The following CCSER1 variants were observed in gnomAD, a reference collection of about 807,000 sequenced individuals.
CCSER1 encodes coiled-coil serine rich protein 1.
A neutral mutation model predicts 82.0 loss-of-function variants in CCSER1; 41 were observed. The observed-to-expected ratio is 0.50, with a 90% CI of 0.39 to 0.65. The LOEUF is 0.65. CCSER1 is among the 30% of genes least tolerant of loss of function. The probability of loss-of-function intolerance (pLI) is 0.00; values close to 1 mark genes in which losing one functional copy is unlikely to be tolerated. For missense variants in CCSER1, 1,119 were observed against 1,064.2 expected (o/e 1.05, Z -0.72); for synonymous variants, 414 against 383.9 (o/e 1.08, Z -0.92).
intron 9 of CCSER1, among the ~76,000 whole-genome samples, chr4:90,933,890 G>A (rs536434462): frequency 1.6e-4 from 24 of 151,770 alleles, no homozygotes; most frequent in African/African-American, 4.8e-4. Context: ...ATTCAATCAC[G>A]TGAATATTTT....
intron 1 of CCSER1, among the ~76,000 whole-genome samples, chr4:90,278,615 G>T (rs1015744004): frequency 6.6e-6 from 1 of 151,816 alleles, no homozygotes; most frequent in Non-Finnish European, 1.5e-5. Flanking sequence ...ACCGGTGAGA[G>T]TTTAACATTG....
intron 6 of CCSER1, among the ~76,000 whole-genome samples, chr4:90,697,264 G>A (rs1027669581): frequency 2.0e-5 from 3 of 152,110 alleles, no homozygotes; most frequent in African/African-American, 4.8e-5. Context: ...AATAGAGCAC[G>A]TCAGATTATT....
chr4:90,995,639 T>A (rs890426081), intron 9 of CCSER1, among the ~76,000 whole-genome samples: 3 of 152,136 alleles, frequency 2.0e-5, no homozygotes, highest in African/African-American at 4.8e-5. Flanking sequence ...CAAAATTTTT[T>A]AAAGTTATAT....
At chr4:91,263,424 T>C (rs1741343480) in intron 10 of CCSER1, among the ~76,000 whole-genome samples, 1 of 152,010 alleles carries the variant, frequency 6.6e-6, no homozygotes, top group Non-Finnish European at 1.5e-5. Context: ...CAGAAAGATC[T>C]CAAATTATTG....
At chr4:90,639,271 A>G in intron 6 of CCSER1, among the ~76,000 whole-genome samples, 1 of 151,754 alleles carries the variant, frequency 6.6e-6, no homozygotes, top group Non-Finnish European at 1.5e-5. Flanking sequence ...ATCAATCAAT[A>G]TTGAATCAAT....
chr4:90,516,621 G>A (rs1772313225), intron 5 of CCSER1, among the ~76,000 whole-genome samples: 2 of 152,144 alleles, frequency 1.3e-5, no homozygotes, highest in African/African-American at 4.8e-5. Context: ...CTCCTAATGA[G>A]GCTGATCATC....
rs530473765 is a variant in CCSER1, at chr4:90,857,542, T to C, written c.2094+41697T>C. Among the ~76,000 whole-genome samples, 3 of 152,158 alleles carry C rather than the reference T, an allele frequency of 2.0e-5. No individual in the cohort carries two copies. In the East Asian group the frequency reaches 5.8e-4, roughly 29 times the overall value. On this transcript the variant is annotated intron_variant, in intron 8 of 10. Transcript: ENST00000509176. ...CATTAGAAGCAGATTACCAAATACA[T>C]TGCATACATGAGAAAGGAAAATTAC...
At chr4:90,764,364 A>G (rs1750878310) in intron 7 of CCSER1, among the ~76,000 whole-genome samples, 1 of 152,326 alleles carries the variant, frequency 6.6e-6, no homozygotes, top group East Asian at 1.9e-4. Flanking sequence ...GAAGCCATTC[A>G]TCTGCTATAC....
intron 10 of CCSER1, among the ~76,000 whole-genome samples, chr4:91,129,153 A>T (rs916908490): frequency 2.0e-5 from 3 of 152,064 alleles, no homozygotes; most frequent in Non-Finnish European, 4.4e-5. Flanking sequence ...TGTGTTTTTT[A>T]TTAAGAGCTT....
chr4:90,301,078 C>T (rs2153473921), intron 1 of CCSER1, among the ~76,000 whole-genome samples: 1 of 152,194 alleles, frequency 6.6e-6, no homozygotes, highest in South Asian at 2.1e-4. Flanking sequence ...AATTTATCCT[C>T]CTGCTTCAGC....
At chr4:91,429,500 T>C (rs1341918335) in intron 10 of CCSER1, among the ~76,000 whole-genome samples, 1 of 152,098 alleles carries the variant, frequency 6.6e-6, no homozygotes, top group African/African-American at 2.4e-5. Context: ...TATTATTTAT[T>C]CACCTAAATA....
chr4:90,917,435 G>A (rs1477822226), intron 8 of CCSER1, among the ~76,000 whole-genome samples: 1 of 152,120 alleles, frequency 6.6e-6, no homozygotes, highest in Non-Finnish European at 1.5e-5. Flanking sequence ...AACACCGCAT[G>A]TTCTCACTCA....
chr4:90,690,241 G>C (rs1462171518), intron 6 of CCSER1, among the ~76,000 whole-genome samples: 1 of 152,054 alleles, frequency 6.6e-6, no homozygotes, highest in Non-Finnish European at 1.5e-5. Context: ...CAGAAAGGGG[G>C]TTGGATAACT....
At chr4:91,059,375 G>A (rs968548354) in intron 9 of CCSER1, among the ~76,000 whole-genome samples, 25 of 88,220 alleles carry the variant, frequency 2.8e-4, no homozygotes, top group African/African-American at 9.5e-4. Flanking sequence ...GTGTGTGTGC[G>A]CATGCACACC....
chr4:90,389,940 A>G (rs1750705319), intron 3 of CCSER1, among the ~76,000 whole-genome samples: 1 of 152,130 alleles, frequency 6.6e-6, no homozygotes, highest in Non-Finnish European at 1.5e-5. Flanking sequence ...AAAGCTTTTT[A>G]ACTTGTCTGT....
intron 1 of CCSER1, among the ~76,000 whole-genome samples, chr4:90,175,540 C>T (rs538600962): frequency 1.3e-5 from 2 of 151,868 alleles, no homozygotes; most frequent in Non-Finnish European, 2.9e-5. Flanking sequence ...TTTTGAGCGC[C>T]GATCTGACAC....
chr4:90,781,501 C>T, intron 7 of CCSER1: 1 of 984,968 alleles, frequency 1.0e-6, no homozygotes, highest in Non-Finnish European at 1.2e-6. Context: ...GTGTAATCTT[C>T]TCTTATTTGA....
At chr4:91,494,244 A>G (rs1758695930) in intron 10 of CCSER1, among the ~76,000 whole-genome samples, 1 of 151,870 alleles carries the variant, frequency 6.6e-6, no homozygotes, top group Non-Finnish European at 1.5e-5. Context: ...CAGCAGCACA[A>G]ACAGACTGAG....
intron 1 of CCSER1, among the ~76,000 whole-genome samples, chr4:90,202,892 C>T (rs182411561): frequency 2.0e-5 from 3 of 152,148 alleles, no homozygotes; most frequent in African/African-American, 7.2e-5. Flanking sequence ...AAATAGTAGA[C>T]ACAGTACTTT....
Sources: allele counts gnomAD v4.1 joint callset (sites outside exome capture counted in the v4.1 genomes callset), GRCh38; gene constraint gnomAD v4.1.1; transcripts MANE v1.5; gene names NCBI Gene and HGNC (gene_info 2026-07-23, HGNC 2026-07-21).